SEC23A: variants seen among roughly 807,000 people sequenced by gnomAD.
SEC23A encodes the protein protein transport protein Sec23A.
Under a neutral mutation model 103.7 loss-of-function variants are expected in SEC23A, and 56 were observed. That is an observed-to-expected ratio of 0.54 (90% confidence interval 0.44 to 0.67). The LOEUF (loss-of-function observed/expected upper bound fraction) is 0.67, where lower values mean the gene tolerates loss of function less well. SEC23A is among the 30% of genes least tolerant of loss of function. The pLI, the probability that SEC23A is intolerant of heterozygous loss-of-function variation, is 0.00. For synonymous variants in SEC23A, 281 were observed against 293.0 expected, an observed-to-expected ratio of 0.96 and a Z score of 0.42; for missense variants, 784 against 936.4, an observed-to-expected ratio of 0.84 and a Z score of 2.12.
intron 12 of SEC23A, 43 bp from the exon 13 acceptor site, chr14:39,061,914 T>A: frequency 1.6e-6 from 2 of 1,248,222 alleles, no homozygotes; most frequent in Non-Finnish European, 2.4e-6. Flanking sequence ...AAATTTACTA[T>A]GCTGTTGTCA....
chr14:39,077,227 C>CAAAAAAAAAAAAAAAAA (rs57549556), intron 7 of SEC23A, among the ~76,000 whole-genome samples: 2 of 36,480 alleles, frequency 5.5e-5, no homozygotes, highest in African/African-American at 2.6e-4. Context: ...GACTCCATCT[C>CAAAAAAAAAAAAAAAAA]AAAAAAAAAA....
chr14:39,082,747 A>T (rs936975818), intron 7 of SEC23A, among the ~76,000 whole-genome samples: 2 of 152,228 alleles, frequency 1.3e-5, no homozygotes, highest in South Asian at 4.1e-4. Flanking sequence ...GTAAAATGTA[A>T]CAATAAGAAC....
At chr14:39,100,448 C>A (rs894994944) in intron 1 of SEC23A, among the ~76,000 whole-genome samples, 1 of 146,894 alleles carries the variant, frequency 6.8e-6, no homozygotes, top group South Asian at 2.1e-4. Flanking sequence ...GAGTTTCGCT[C>A]GTTGCCCAGG....
In SEC23A at chr14:39,042,845, G is replaced by C. The variant is rs1232205743; in HGVS notation, c.1927C>G (p.Leu643Val). 4 of 1,612,174 alleles carry C rather than the reference G, an allele frequency of 2.5e-6. No individual in the cohort carries two copies. Among genetic ancestry groups the C allele is most frequent in the Non-Finnish European group, 2.5e-6 (3 of 1,178,640 alleles). ...EPVLLDSSSI[L>V]ADRILLMDTF... ...TCCATGAGAAGAATACGATCTGCAA[G>C]AATGCTACTGCTATCAAGAAGAACC... is the stretch of plus-strand genomic sequence containing the variant. The change falls in exon 17 of 20, where the codon CTT becomes GTT. Residue 643 changes from leucine to valine, a missense_variant. Leu to Val is a conservative substitution (Grantham distance 32). Transcript: ENST00000307712.
chr14:39,093,722 C>T (rs1566513903), intron 2 of SEC23A, among the ~76,000 whole-genome samples: 1 of 152,204 alleles, frequency 6.6e-6, no homozygotes, highest in African/African-American at 2.4e-5. Flanking sequence ...AATCACAACA[C>T]TGCCCTCCAA....
chr14:39,100,467 C>G (rs946530979), intron 1 of SEC23A, among the ~76,000 whole-genome samples: 5 of 149,436 alleles, frequency 3.3e-5, no homozygotes, highest in African/African-American at 1.2e-4. Flanking sequence ...GGCTGGAGTG[C>G]AATGGCGTGA....
chr14:39,074,178 T>C (rs1474861105), intron 9 of SEC23A, among the ~76,000 whole-genome samples: 1 of 152,214 alleles, frequency 6.6e-6, no homozygotes, highest in Admixed American at 6.5e-5. Flanking sequence ...ATCAAAATAA[T>C]GACTTCAAGA....
chr14:39,091,009 A>G, intron 5 of SEC23A: 1 of 376,220 alleles, frequency 2.7e-6, no homozygotes. Flanking sequence ...CCCCACCACC[A>G]CTGCTGCCCC....
At chr14:39,042,285 C>T (rs1204364183) in intron 17 of SEC23A, among the ~76,000 whole-genome samples, 5 of 152,208 alleles carry the variant, frequency 3.3e-5, no homozygotes, top group Non-Finnish European at 7.3e-5. Flanking sequence ...CTGCTAAATA[C>T]CTGGATTAAA....
chr14:39,056,413 G>A (rs560517104), intron 13 of SEC23A, among the ~76,000 whole-genome samples: 10 of 152,020 alleles, frequency 6.6e-5, no homozygotes, highest in South Asian at 4.2e-4. Flanking sequence ...AATAACAGGC[G>A]TGAGCCACCA....
intron 5 of SEC23A, 28 bp downstream of exon 5, chr14:39,091,449 G>C: frequency 2.6e-6 from 4 of 1,540,974 alleles, no homozygotes; most frequent in Admixed American, 1.7e-5. Context: ...TTTTCAGATA[G>C]GTAAAAACTA....
intron 1 of SEC23A, among the ~76,000 whole-genome samples, chr14:39,099,513 T>C (rs1205310712): frequency 3.3e-5 from 5 of 152,198 alleles, no homozygotes; most frequent in African/African-American, 1.2e-4. Context: ...GTTCCTAATA[T>C]GTAAAGATTT....
chr14:39,095,463 A>G (rs1344886638), intron 2 of SEC23A, among the ~76,000 whole-genome samples: 1 of 151,950 alleles, frequency 6.6e-6, no homozygotes, highest in East Asian at 1.9e-4. Flanking sequence ...CACCCCAGCT[A>G]AGTTTTGTAT....
At chr14:39,061,228 G>A (rs891514747) in intron 13 of SEC23A, among the ~76,000 whole-genome samples, 4 of 152,152 alleles carry the variant, frequency 2.6e-5, no homozygotes, top group South Asian at 4.1e-4. Context: ...CAGACAATGT[G>A]AGGATGACTC....
At chr14:39,089,005 A>G (rs1401976200) in intron 5 of SEC23A, among the ~76,000 whole-genome samples, 1 of 151,424 alleles carries the variant, frequency 6.6e-6, no homozygotes, top group Non-Finnish European at 1.5e-5. Flanking sequence ...GGTCTCTACT[A>G]AAAATACAGA....
chr14:39,099,406 C>T (rs1334627521), intron 1 of SEC23A, among the ~76,000 whole-genome samples: 2 of 152,092 alleles, frequency 1.3e-5, no homozygotes. Context: ...GATCCGCCGG[C>T]CTCGGCCTCC....
intron 9 of SEC23A, among the ~76,000 whole-genome samples, chr14:39,069,163 A>G (rs1404011486): frequency 6.6e-6 from 1 of 152,134 alleles, no homozygotes; most frequent in African/African-American, 2.4e-5. Flanking sequence ...CCTTACATCT[A>G]TTTTCCAAAT....
chr14:39,068,272 A>G (rs1245540451), intron 9 of SEC23A, among the ~76,000 whole-genome samples: 14 of 152,264 alleles, frequency 9.2e-5, no homozygotes, highest in African/African-American at 1.2e-4. Flanking sequence ...AGGCACTCTC[A>G]TACACTTCTG....
At position 39,085,773 on chromosome 14, in the gene SEC23A, C is replaced by G; in HGVS notation, c.817G>C (p.Gly273Arg). 2 of 1,611,364 alleles carry G rather than the reference C, an allele frequency of 1.2e-6. No homozygotes were observed. Among genetic ancestry groups the G allele is most frequent in the Non-Finnish European group, 1.7e-6 (2 of 1,178,664 alleles). The change falls in exon 7 of 20, where the codon GGA becomes CGA. Residue 273 changes from glycine to arginine, a missense_variant. Around this residue, in one of 2 missense-constraint regions of SEC23A, gnomAD observed 683 missense variants for 774.2 expected, o/e 0.88. Transcript: ENST00000307712. Reference protein sequence around the residue: ...SSGVALSIAVGLLECTFPNTG... With the variant: ...SSGVALSIAVRLLECTFPNTG... ...ACCATCTTCCCTACCTCCAGCAGTC[C>G]TACAGCTATGGAAAGTGCCACCCCA...
Sources: gnomAD v4.1 joint callset for allele counts (sites outside exome capture counted in the v4.1 genomes callset) on GRCh38, gnomAD v4.1.1 for gene constraint, gnomAD v4.1.1 regional missense constraint, MANE v1.5 for transcripts, NCBI Gene and HGNC (gene_info 2026-07-23, HGNC 2026-07-21) for gene names.